Variants in EDIL3 observed in about 807,000 individuals in gnomAD.
The protein encoded by EDIL3 is EGF-like repeat and discoidin I-like domain-containing protein 3.
A neutral mutation model predicts 67.4 loss-of-function variants in EDIL3; 37 were observed. The ratio of observed to expected loss-of-function variants is 0.55; its 90% CI spans 0.42 to 0.72. The LOEUF (loss-of-function observed/expected upper bound fraction) is 0.72. Among genes scored for constraint, EDIL3 ranks in the 30% least tolerant of loss-of-function variants. The pLI, the probability that EDIL3 is intolerant of heterozygous loss-of-function variation, is 0.00. For synonymous variants in EDIL3, 195 were observed against 196.3 expected, an observed-to-expected ratio of 0.99 and a Z score of 0.05; for missense variants, 527 against 586.3, an observed-to-expected ratio of 0.90 and a Z score of 1.04.
chr5:84,220,066 G>T (rs1308257940), intron 3 of EDIL3, among the ~76,000 whole-genome samples: 2 of 152,194 alleles, frequency 1.3e-5, no homozygotes, highest in African/African-American at 4.8e-5. Flanking sequence ...GGTAACTGCA[G>T]TCAACAATAA....
intron 9 of EDIL3, among the ~76,000 whole-genome samples, chr5:83,976,834 A>G (rs1241742810): frequency 6.6e-6 from 1 of 151,860 alleles, no homozygotes; most frequent in Non-Finnish European, 1.5e-5. Flanking sequence ...TAAAATTTAT[A>G]AAGAATTTCA....
chr5:84,118,495 A>G (rs1747714540), intron 5 of EDIL3, among the ~76,000 whole-genome samples: 1 of 152,188 alleles, frequency 6.6e-6, no homozygotes. Context: ...AATATACATA[A>G]AGCACCTCAT....
At chr5:84,053,701 A>G (rs1018278344) in intron 9 of EDIL3, among the ~76,000 whole-genome samples, 1 of 152,224 alleles carries the variant, frequency 6.6e-6, no homozygotes, top group African/African-American at 2.4e-5. Flanking sequence ...TAAACTAGAA[A>G]ATCTAGAAGA....
At chr5:84,030,273 CA>C (rs1312872895) in intron 9 of EDIL3, among the ~76,000 whole-genome samples, 13 of 152,188 alleles carry the variant, frequency 8.5e-5, no homozygotes, top group Admixed American at 7.2e-4. Flanking sequence ...TATAATTACA[CA>C]TATCTTTGTG....
intron 1 of EDIL3, among the ~76,000 whole-genome samples, chr5:84,291,646 CTATATCTA>C (rs1745917497): frequency 1.4e-5 from 2 of 146,336 alleles, no homozygotes; most frequent in African/African-American, 4.9e-5. Flanking sequence ...ATATATCTAT[CTATATCTA>C]TATATCTATA....
chr5:84,151,295 A>C (rs955247871), intron 4 of EDIL3, among the ~76,000 whole-genome samples: 119 of 150,542 alleles, frequency 7.9e-4, no homozygotes, highest in African/African-American at 1.5e-3. Flanking sequence ...ACACACACAC[A>C]CCCCGACACT....
At chr5:84,032,482 T>C (rs1029992150) in intron 9 of EDIL3, among the ~76,000 whole-genome samples, 1 of 152,204 alleles carries the variant, frequency 6.6e-6, no homozygotes. Context: ...AGAGCAAATA[T>C]AAGATGAATT....
Position 84,060,317 on chromosome 5 carries a change from G to C in EDIL3, c.1120C>G (p.Gln374Glu), listed in dbSNP as rs1341044789. Residue 374 changes from glutamine to glutamate, a missense_variant, in exon 9 of 11, where the codon CAG becomes GAG. By Grantham distance (29) the Gln-to-Glu change is conservative. This residue lies in a region of EDIL3 where 494 missense variants were observed against 522.5 expected (regional missense o/e 0.95). Transcript: ENST00000296591. ...AACTTTACCTGTAACCATTGTGACT[G>C]GTCATTGTGGCCAGAGGTCCAGGCA... ...VNAWTSGHND[Q>E]SQWLQVDLLV... is the part of the protein sequence containing the mutation. 6.2e-7 allele frequency: 1 copy of C among 1,613,666 alleles called. No individual in the cohort carries two copies. The highest frequency in any genetic ancestry group is 8.5e-7 in the Non-Finnish European group (1 of 1,179,768).
chr5:84,236,403 A>T (rs1744683365), intron 2 of EDIL3, among the ~76,000 whole-genome samples: 1 of 152,054 alleles, frequency 6.6e-6, no homozygotes, highest in Non-Finnish European at 1.5e-5. Context: ...ACAATTCAAT[A>T]TTTTGGTGTA....
chr5:84,365,401 A>G (rs566282156), intron 1 of EDIL3, among the ~76,000 whole-genome samples: 3 of 152,276 alleles, frequency 2.0e-5, no homozygotes, highest in African/African-American at 7.2e-5. Context: ...CTTTTATACC[A>G]TATTTACAAT....
At position 84,221,559 on chromosome 5, in the gene EDIL3, T is replaced by C. The variant is rs1353806214; in HGVS notation, c.226+8296A>G. ...CACACCTATCAAAAAGGAAGTTTAA[T>C]TTTTAAAAAAAGGAAACGTAAGCAC... On this transcript the variant is annotated intron_variant, in intron 3 of 10. Transcript: ENST00000296591. Among the ~76,000 whole-genome samples, 4 of 151,654 alleles carry C rather than the reference T, an allele frequency of 2.6e-5. 1 individual carries two copies. Among genetic ancestry groups the C allele is most frequent in the Admixed American group, 2.6e-4 (4 of 15,232 alleles).
At chr5:84,218,738 G>T (rs1744281410) in intron 3 of EDIL3, among the ~76,000 whole-genome samples, 1 of 152,218 alleles carries the variant, frequency 6.6e-6, no homozygotes, top group South Asian at 2.1e-4. Flanking sequence ...TGACTCAAGG[G>T]CCCTGGGGCC....
intron 9 of EDIL3, among the ~76,000 whole-genome samples, chr5:84,042,305 C>T (rs1207847858): frequency 4.7e-5 from 7 of 148,512 alleles, no homozygotes; most frequent in South Asian, 2.1e-4. Flanking sequence ...TTTTTTGAGA[C>T]GGAGTCTTAT....
chr5:84,026,541 G>A lies in EDIL3; in HGVS notation c.1137+33759C>T, dbSNP rs114007551. ...TTTTTCTTGTGGGCATTTCTACCAAGTTCAATTTTCTTGGATTAAATTTAT... is the reference window on the plus strand; with the variant it reads ...TTTTTCTTGTGGGCATTTCTACCAAATTCAATTTTCTTGGATTAAATTTAT... On this transcript the variant is annotated intron_variant, in intron 9 of 10. Transcript: ENST00000296591. Among the ~76,000 whole-genome samples, 889 of 151,876 alleles carry A rather than the reference G, an allele frequency of 5.9e-3. 11 individuals are homozygous for A. The highest frequency in any genetic ancestry group is 0.021 in the African/African-American group (855 of 41,396).
chr5:84,302,553 C>T (rs1327008147), intron 1 of EDIL3, among the ~76,000 whole-genome samples: 1 of 152,294 alleles, frequency 6.6e-6, no homozygotes, highest in South Asian at 2.1e-4. Flanking sequence ...GCCTCGGCCT[C>T]GCAAAGTGCT....
chr5:84,292,946 A>G (rs1745951800), intron 1 of EDIL3, among the ~76,000 whole-genome samples: 1 of 152,168 alleles, frequency 6.6e-6, no homozygotes. Context: ...TCATTGGTCG[A>G]GTACTATGGG....
chr5:84,305,364 A>G lies in EDIL3; in HGVS notation c.68-51152T>C, dbSNP rs113024726. ...AGTTTCTGGACCTACCATGTGTAAC[A>G]TTTGTTCCACAAAATTTAGTTCTTA... On this transcript the variant is annotated intron_variant, in intron 1 of 10. Transcript: ENST00000296591. Among the ~76,000 whole-genome samples, 1,310 of 152,332 alleles carry G rather than the reference A, an allele frequency of 8.6e-3. 12 individuals are homozygous for G. The highest frequency in any genetic ancestry group is 0.015 in the Non-Finnish European group (1,028 of 68,034).
At chr5:84,357,125 A>C (rs1747504742) in intron 1 of EDIL3, among the ~76,000 whole-genome samples, 1 of 151,746 alleles carries the variant, frequency 6.6e-6, no homozygotes, top group South Asian at 2.1e-4. Flanking sequence ...AGGTTTCACC[A>C]TGTTAGCCAG....
chr5:84,303,847 TGTTTGTG>T (rs1746212143), intron 1 of EDIL3, among the ~76,000 whole-genome samples: 27 of 146,686 alleles, frequency 1.8e-4, no homozygotes, highest in African/African-American at 6.6e-4. Flanking sequence ...TGTGTGTGTG[TGTTTGTG>T]TGTGTGTGTG....
Sources: gnomAD v4.1 joint callset for allele counts (sites outside exome capture counted in the v4.1 genomes callset) on GRCh38, gnomAD v4.1.1 for gene constraint, gnomAD v4.1.1 regional missense constraint, MANE v1.5 for transcripts, NCBI Gene and HGNC (gene_info 2026-07-23, HGNC 2026-07-21) for gene names.